KLHL23: variants seen among roughly 807,000 people sequenced by gnomAD.
The protein encoded by KLHL23 is kelch-like protein 23.
Under a neutral mutation model 48.9 loss-of-function variants are expected in KLHL23, and 33 were observed. That is an observed-to-expected ratio of 0.67 (90% CI 0.51 to 0.90). The LOEUF (loss-of-function observed/expected upper bound fraction) is 0.90. Among genes scored for constraint, KLHL23 ranks in the 40% least tolerant of loss-of-function variants. The pLI, the probability that KLHL23 is intolerant of heterozygous loss-of-function variation, is 0.00. For missense variants in KLHL23, 608 were observed against 669.6 expected (o/e 0.91, Z 1.02); for synonymous variants, 234 against 231.6 (o/e 1.01, Z -0.09).
rs1255984531 is a variant in KLHL23 at position 169,749,712 on chromosome 2, GT to G, written c.1660del (p.Cys554ValfsTer7). The G allele has an allele frequency of 5.0e-6, 8 of 1,605,884 alleles. No homozygotes were observed. The highest frequency in any genetic ancestry group is 6.8e-6 in the Non-Finnish European group (8 of 1,173,430). On this transcript the variant is annotated frameshift_variant, in exon 4 of 4. Coordinates refer to ENST00000392647, the MANE Select transcript of KLHL23 (RefSeq NM_144711.6). LOFTEE classifies it high-confidence loss of function. ...LPSAMRSHGCVCVYNV is the reference protein window; with the variant it reads ...LPSAMRSHGCXCVYNV ...CAGTGCCATGCGGTCTCATGGGTGT[GT>G]TTGTGTGTATAATGTCTAATTGAAT... is the stretch of plus-strand genomic sequence containing the variant.
chr2:169,748,312 A>G (rs1038213908), intron 3 of KLHL23, among the ~76,000 whole-genome samples: 1 of 152,162 alleles, frequency 6.6e-6, no homozygotes, highest in African/African-American at 2.4e-5. Flanking sequence ...AGACCTGGGG[A>G]GAGGAGAGAC....
intron 3 of KLHL23, 142 bp downstream of exon 3, chr2:169,741,679 A>G: frequency 1.9e-6 from 2 of 1,027,446 alleles, no homozygotes; most frequent in Non-Finnish European, 2.7e-6. Flanking sequence ...CAAAATATTC[A>G]TATATGTCCA....
intron 3 of KLHL23, among the ~76,000 whole-genome samples, chr2:169,747,085 TG>T (rs1688807236): frequency 6.6e-6 from 1 of 152,128 alleles, no homozygotes; most frequent in South Asian, 2.1e-4. Flanking sequence ...TTTCCTTAGC[TG>T]TCAAAACCTA....
rs990834875 is a variant in KLHL23 at position 169,741,188 on chromosome 2, G to A, written c.1214-197G>A. 1.9e-5 allele frequency: 10 copies of A among 534,864 alleles called. No homozygotes were observed. In the Admixed American group the frequency reaches 2.0e-4, roughly 11 times the overall value. 33.1% of individuals were successfully genotyped at this position (534,864 alleles called of 1,614,324 possible). A position where few individuals can be genotyped will look rare whatever the true frequency, so the allele number is the denominator to read the frequency against. On this transcript the variant is annotated intron_variant, in intron 2 of 3. Coordinates refer to ENST00000392647, the MANE Select transcript of KLHL23 (RefSeq NM_144711.6). ...ATCATTGTGCGTGGTGCATGGCTGT[G>A]TTTGTGTGCACGTCTCACCCTCTCT... is the stretch of plus-strand genomic sequence containing the variant.
chr2:169,749,384 T>G, intron 3 of KLHL23, 38 bp from the exon 4 acceptor site: 1 of 1,517,896 alleles, frequency 6.6e-7, no homozygotes, highest in Non-Finnish European at 8.8e-7. Flanking sequence ...TTTGTTATCC[T>G]TTAAAAAAAT....
rs1574528335 is a variant in KLHL23, at chr2:169,746,455, G to A, written c.1367-2967G>A. ...AAACTTTTGAGCCGTGACAGATGGT[G>A]TCACTCCCATTCTTGATTATTCATT... On this transcript the variant is annotated intron_variant, in intron 3 of 3. Coordinates refer to ENST00000392647, the MANE Select transcript of KLHL23 (RefSeq NM_144711.6). Among the ~76,000 whole-genome samples, 3 of 152,328 alleles carry A rather than the reference G, an allele frequency of 2.0e-5. No individual in the cohort carries two copies. The East Asian group carries it at 5.8e-4, about 29-fold the overall frequency.
Position 169,736,025 on chromosome 2 carries a change from C to G in KLHL23, c.1011C>G (p.Asp337Glu), listed in dbSNP as rs1356464978. Residue 337 changes from aspartate to glutamate, a missense_variant, in exon 2 of 4, where the codon GAC (aspartate) becomes GAG (glutamate). Around this residue, in one of 3 missense-constraint regions of KLHL23, gnomAD observed 419 missense variants for 473.1 expected, o/e 0.89. Coordinates refer to ENST00000392647, the MANE Select transcript of KLHL23 (RefSeq NM_144711.6). ...GYRTDNIEAL[D>E]TVWIYNSESD... The stretch of plus-strand genomic sequence containing the variant: ...GGACGGATAACATAGAAGCTCTTGA[C>G]ACAGTGTGGATCTATAACAGTGAAA... The G allele has an allele frequency of 6.2e-7, 1 of 1,614,040 alleles. No homozygotes were observed. Among genetic ancestry groups the G allele is most frequent in the African/African-American group, 1.3e-5 (1 of 74,922 alleles).
At position 169,751,533 on chromosome 2, in the gene KLHL23, G is replaced by A. The variant is rs940962889; in HGVS notation, c.*1801G>A. Reference sequence around the variant, plus strand: ...AAAATAATTCAGAAAAAAGATAAATGCATGAAGACATTTATGTCTGCATTC... The same window carrying A: ...AAAATAATTCAGAAAAAAGATAAATACATGAAGACATTTATGTCTGCATTC... On this transcript the variant is annotated 3_prime_UTR_variant, in exon 4 of 4. Transcript: ENST00000392647. The A allele has an allele frequency of 6.6e-6, 1 of 152,006 alleles. No homozygotes were observed. The highest frequency in any genetic ancestry group is 2.1e-4 in the South Asian group (1 of 4,820). 9.4% of individuals were successfully genotyped at this position (152,006 alleles called of 1,614,324 possible). A position where few individuals can be genotyped will look rare whatever the true frequency, so the allele number is the denominator to read the frequency against.
chr2:169,741,835 T>C (rs151135911), intron 3 of KLHL23, among the ~76,000 whole-genome samples: 17 of 152,346 alleles, frequency 1.1e-4, no homozygotes, highest in African/African-American at 3.8e-4. Context: ...CATCTTTCAT[T>C]TATGACATTA....
In KLHL23 at chr2:169,736,213, C is replaced by T; in HGVS notation, c.1199C>T (p.Ala400Val). ...DPLKEKWIPI[A>V]NMIKGVGNAT... ...TTAAAAGAGAAATGGATTCCTATTGCAAACATGATTAAAGGTAAGTGGAGA... is the reference window on the plus strand; with the variant it reads ...TTAAAAGAGAAATGGATTCCTATTGTAAACATGATTAAAGGTAAGTGGAGA... Residue 400 changes from alanine to valine, a missense_variant, in exon 2 of 4, where the codon GCA becomes GTA. Coordinates refer to ENST00000392647, the MANE Select transcript of KLHL23 (RefSeq NM_144711.6). 1 of 1,606,818 alleles carries T rather than the reference C, an allele frequency of 6.2e-7. No individual in the cohort carries two copies. Among genetic ancestry groups the T allele is most frequent in the Non-Finnish European group, 8.5e-7 (1 of 1,177,050 alleles).
At chr2:169,740,006 G>T (rs1688635109) in intron 2 of KLHL23, among the ~76,000 whole-genome samples, 1 of 152,154 alleles carries the variant, frequency 6.6e-6, no homozygotes, top group African/African-American at 2.4e-5. Context: ...ACCTATTTGG[G>T]GCACTTACCA....
At chr2:169,738,741 T>C (rs1688575009) in intron 2 of KLHL23, among the ~76,000 whole-genome samples, 1 of 144,278 alleles carries the variant, frequency 6.9e-6, no homozygotes, top group African/African-American at 2.6e-5. Context: ...TAGGTAAAAG[T>C]TAGTGGAAAG....
chr2:169,751,073 G>T lies in KLHL23; in HGVS notation c.*1341G>T, dbSNP rs1426208959. ...CACTGGCACTGCAAATCACAGACAG[G>T]CCTAGATACAGATCCCCTCACCCCT... On this transcript the variant is annotated 3_prime_UTR_variant, in exon 4 of 4. Transcript: ENST00000392647. 1 of 152,186 alleles carries T rather than the reference G, an allele frequency of 6.6e-6. No individual in the cohort carries two copies. The highest frequency in any genetic ancestry group is 6.6e-5 in the Admixed American group (1 of 15,260). 9.4% of individuals were successfully genotyped at this position (152,186 alleles called of 1,614,324 possible).
chr2:169,750,232 T>A lies in KLHL23; in HGVS notation c.*500T>A, dbSNP rs1251035994. The A allele has an allele frequency of 6.5e-6, 1 of 153,826 alleles. No individual in the cohort carries two copies. The highest frequency in any genetic ancestry group is 2.4e-5 in the African/African-American group (1 of 41,384). The allele number at this position is 153,826 out of a possible 1,614,324, so 9.5% of individuals were successfully genotyped here. Reference sequence around the variant, plus strand: ...GTAATATAGAATATTTGACACTTGGTAAAAGGTGAACTACCTTTGTAGTGA... The same window carrying A: ...GTAATATAGAATATTTGACACTTGGAAAAAGGTGAACTACCTTTGTAGTGA... On this transcript the variant is annotated 3_prime_UTR_variant, in exon 4 of 4. Coordinates refer to ENST00000392647, the MANE Select transcript of KLHL23 (RefSeq NM_144711.6).
chr2:169,740,009 A>C (rs1004363184), intron 2 of KLHL23, among the ~76,000 whole-genome samples: 9 of 152,332 alleles, frequency 5.9e-5, no homozygotes, highest in African/African-American at 2.2e-4. Flanking sequence ...TATTTGGGGC[A>C]CTTACCATGA....
Position 169,735,172 on chromosome 2 carries a change from C to T in KLHL23, c.158C>T (p.Ala53Val), listed in dbSNP as rs765834570. The change falls in exon 2 of 4, where the codon GCC becomes GTC. Residue 53 changes from alanine to valine, a missense_variant. Transcript: ENST00000392647. This position sits in a 1 kb window ranked among gnomAD's most constrained non-coding sequence, Gnocchi z 4.5. ...PSGIIFHCHR[A>V]VLAACSNYFK... ...GGCATAATTTTCCATTGTCACCGAG[C>T]CGTTTTAGCTGCTTGCAGCAATTAT... The T allele has an allele frequency of 2.5e-6, 4 of 1,612,732 alleles. No homozygotes were observed. In the East Asian group the frequency reaches 6.7e-5, roughly 27 times the overall value.
At position 169,744,555 on chromosome 2, in the gene KLHL23, C is replaced by T. The variant is rs1688749511; in HGVS notation, c.1366+3018C>T. Among the ~76,000 whole-genome samples the T allele has an allele frequency of 4.2e-5, 6 of 141,414 alleles. 1 individual carries two copies. In the South Asian group the frequency reaches 1.3e-3, roughly 30 times the overall value. The allele number at this position is 141,414 out of a possible 152,430, so 92.8% of individuals were successfully genotyped here. On this transcript the variant is annotated intron_variant, in intron 3 of 3. Coordinates refer to ENST00000392647, the MANE Select transcript of KLHL23 (RefSeq NM_144711.6). ...GTCATGGAGAGCTTTGAATGGCAGT[C>T]TGGGTAATTTTTTTTTTTTTTGAGA...
chr2:169,748,912 T>G (rs1688873523), intron 3 of KLHL23, among the ~76,000 whole-genome samples: 1 of 151,978 alleles, frequency 6.6e-6, no homozygotes, highest in Non-Finnish European at 1.5e-5. Context: ...TTCTTTAGCT[T>G]CTTGAGTTCA....
In KLHL23 at chr2:169,736,187, T is replaced by G; in HGVS notation, c.1173T>G (p.Pro391=). 1 of 1,610,628 alleles carries G rather than the reference T, an allele frequency of 6.2e-7. No individual in the cohort carries two copies. ...APAEEAEFYD[P]LKEKWIPIAN... Reference sequence around the variant, plus strand: ...CAGAAGAGGCTGAGTTCTATGATCCTTTAAAAGAGAAATGGATTCCTATTG... The same window carrying G: ...CAGAAGAGGCTGAGTTCTATGATCCGTTAAAAGAGAAATGGATTCCTATTG... Residue 391 remains proline, a synonymous_variant, in exon 2 of 4, where the codon CCT becomes CCG. Coordinates refer to ENST00000392647, the MANE Select transcript of KLHL23 (RefSeq NM_144711.6).
Sources: gnomAD v4.1 joint callset for allele counts (sites outside exome capture counted in the v4.1 genomes callset) on GRCh38, gnomAD v4.1.1 for gene constraint, gnomAD v4.1.1 regional missense constraint, Gnocchi (gnomAD v3.1) non-coding constraint, MANE v1.5 for transcripts, NCBI Gene and HGNC (gene_info 2026-07-23, HGNC 2026-07-21) for gene names.